SLC38A10: variants seen among roughly 807,000 people sequenced by gnomAD.
SLC38A10 encodes the protein Sodium-coupled neutral amino acid transporter 10.
SLC38A10 carries 53 observed loss-of-function variants against 81.0 expected under a neutral mutation model. The ratio of observed to expected loss-of-function variants is 0.65; its 90% CI spans 0.53 to 0.82. SLC38A10 has a LOEUF of 0.82. Among genes scored for constraint, SLC38A10 ranks in the 40% least tolerant of loss-of-function variants. The pLI, the probability that SLC38A10 is intolerant of heterozygous loss-of-function variation, is 0.00. For synonymous variants in SLC38A10, 665 were observed against 655.3 expected (o/e 1.01, Z -0.23); for missense variants, 1,471 against 1,545.0 (o/e 0.95, Z 0.80).
chr17:81,248,987 T>G (rs1386831523), intron 14 of SLC38A10, among the ~76,000 whole-genome samples: 1 of 152,188 alleles, frequency 6.6e-6, no homozygotes, highest in Non-Finnish European at 1.5e-5. Context: ...ACCAGCCACC[T>G]CGGCCGTGGG....
At chr17:81,275,844 C>T in intron 8 of SLC38A10, 125 bp downstream of exon 8, 1 of 1,160,140 alleles carries the variant, frequency 8.6e-7, no homozygotes, top group Non-Finnish European at 1.2e-6. Flanking sequence ...TTCCGCCCTC[C>T]CGGGACTCCT....
At chr17:81,282,070 A>C in intron 5 of SLC38A10, 119 bp downstream of exon 5, 10 of 1,404,746 alleles carry the variant, frequency 7.1e-6, no homozygotes, top group Non-Finnish European at 1.0e-5. Flanking sequence ...TACTTCCAAC[A>C]CATTCCCAGG....
Position 81,276,235 on chromosome 17 carries a change from G to GA in SLC38A10, c.730-85dup. 1 of 1,313,302 alleles carries GA rather than the reference G, an allele frequency of 7.6e-7. No homozygotes were observed. The highest frequency in any genetic ancestry group is 1.0e-6 in the Non-Finnish European group (1 of 970,766). 81.4% of individuals were successfully genotyped at this position (1,313,302 alleles called of 1,614,324 possible). On this transcript the variant is annotated intron_variant, in intron 7 of 15. Transcript: ENST00000374759. This position sits in a 1 kb window ranked among gnomAD's most constrained non-coding sequence, Gnocchi z 4.7. ...GTCACAGTGGGCAGGGCATGGGGGG[G>GA]ACCTGTGCCCTGCCCCCCAGAATGG...
At chr17:81,246,738 C>T in intron 15 of SLC38A10, 65 bp from the exon 16 acceptor site, 1 of 1,499,816 alleles carries the variant, frequency 6.7e-7, no homozygotes. Context: ...TGGAGGGGCT[C>T]AGAAGAACCA....
chr17:81,245,742 A>C lies in SLC38A10; in HGVS notation c.3174T>G (p.Pro1058=). 6.3e-7 allele frequency: 1 copy of C among 1,595,896 alleles called. No homozygotes were observed. Among genetic ancestry groups the C allele is most frequent in the Non-Finnish European group, 8.6e-7 (1 of 1,167,248 alleles). ...TCGGGGCCAGCTGACCCTCTGCATG[A>C]GGGCCAAGGTCCCGCCGTCGCCTCC... ...DLRRRRRDLG[P]HAEGQLAPRD... is the part of the protein sequence containing the mutation. Residue 1058 remains proline (P), a synonymous_variant, in exon 16 of 16, where the codon CCT becomes CCG. Transcript: ENST00000374759.
At position 81,267,464 on chromosome 17, in the gene SLC38A10, T is replaced by TTTCC. The variant is rs558420102; in HGVS notation, c.1131+3450_1131+3453dup. Among the ~76,000 whole-genome samples the TTTCC allele has an allele frequency of 7.9e-5, 12 of 152,180 alleles. 1 individual carries two copies. In the East Asian group the frequency reaches 1.9e-3, roughly 24 times the overall value. On this transcript the variant is annotated intron_variant, in intron 10 of 15. Coordinates refer to ENST00000374759, the MANE Select transcript of SLC38A10 (RefSeq NM_001037984.3). ...TGGAAATTCTAACTATGACTCTTTC[T>TTTCC]TTCCTTCCTTCCTTCCTCCCTCCCT...
In SLC38A10 at chr17:81,245,126, C is replaced by G. The variant is rs1253960568; in HGVS notation, c.*430G>C. 4.4e-5 allele frequency: 8 copies of G among 182,276 alleles called. No individual in the cohort carries two copies. The highest frequency in any genetic ancestry group is 1.9e-4 in the African/African-American group (8 of 42,634). The allele number at this position is 182,276 out of a possible 1,614,324, so 11.3% of individuals were successfully genotyped here. A position where few individuals can be genotyped will look rare whatever the true frequency, so the allele number is the denominator to read the frequency against. On this transcript the variant is annotated 3_prime_UTR_variant, in exon 16 of 16. Coordinates refer to ENST00000374759, the MANE Select transcript of SLC38A10 (RefSeq NM_001037984.3). The stretch of plus-strand genomic sequence containing the variant: ...GGTTGGATGCTGGCTCTCACAGTAG[C>G]CTGTGTTGGGACCATGAGCAGCCAT...
At position 81,294,873 on chromosome 17, in the gene SLC38A10, T is replaced by C. The variant is rs1293681488; in HGVS notation, c.49A>G (p.Asn17Asp). ...AGGACACTGACCCCTACGATGCTGTTCACGATGTTCGTGATCAGCCCCCAG... is the reference window on the plus strand; with the variant it reads ...AGGACACTGACCCCTACGATGCTGTCCACGATGTTCGTGATCAGCCCCCAG... The part of the protein sequence containing the change: ...SNWGLITNIV[N>D]SIVGVSVLTM... The change falls in exon 1 of 16, where the codon AAC becomes GAC. Residue 17 changes from asparagine to aspartate, a missense_variant. This residue lies in a region of SLC38A10 where 720 missense variants were observed against 827.7 expected (regional missense o/e 0.87). Coordinates refer to ENST00000374759, the MANE Select transcript of SLC38A10 (RefSeq NM_001037984.3). The C allele has an allele frequency of 1.9e-6, 3 of 1,597,980 alleles. No homozygotes were observed. The African/African-American group carries it at 4.1e-5, about 22-fold the overall frequency.
chr17:81,272,976 A>G (rs1381131430), intron 8 of SLC38A10, among the ~76,000 whole-genome samples: 5 of 152,186 alleles, frequency 3.3e-5, no homozygotes, highest in Non-Finnish European at 7.3e-5. Context: ...ATGGAGAGCA[A>G]AACACAGGCT....
chr17:81,252,513 G>T lies in SLC38A10; in HGVS notation c.1627C>A (p.Pro543Thr). ...GVQGQMAPPL[P>T]DSEREKQEPE... ...TCTTGTTTCTCTCTTTCTGAGTCGG[G>T]CAGAGGCGGCGCCATCTGGCCCTGG... is the stretch of plus-strand genomic sequence containing the variant. Residue 543 changes from proline (P) to threonine (T), a missense_variant, in exon 13 of 16, where the codon CCC (proline) becomes ACC (threonine). Physicochemically the swap from Pro to Thr is conservative, Grantham distance 38 (BLOSUM62 -1). This residue lies in a region of SLC38A10 where 720 missense variants were observed against 827.7 expected (regional missense o/e 0.87). Coordinates refer to ENST00000374759, the MANE Select transcript of SLC38A10 (RefSeq NM_001037984.3). 2 of 1,613,338 alleles carry T rather than the reference G, an allele frequency of 1.2e-6. No individual in the cohort carries two copies. The highest frequency in any genetic ancestry group is 1.7e-6 in the Non-Finnish European group (2 of 1,180,016).
chr17:81,271,196 C>G (rs2063112757), intron 9 of SLC38A10, among the ~76,000 whole-genome samples, 172 bp from the exon 10 acceptor site: 1 of 152,238 alleles, frequency 6.6e-6, no homozygotes, highest in Non-Finnish European at 1.5e-5. Context: ...ACAACCGCGG[C>G]TGATTCCTCC....
At chr17:81,293,265 G>A (rs2063324041) in intron 1 of SLC38A10, among the ~76,000 whole-genome samples, 1 of 152,258 alleles carries the variant, frequency 6.6e-6, no homozygotes, top group Admixed American at 6.5e-5. Flanking sequence ...AGTGGACACT[G>A]GGACATGGAG....
chr17:81,252,297 G>A lies in SLC38A10; in HGVS notation c.1843C>T (p.Gln615Ter), dbSNP rs988492508. 9.9e-6 allele frequency: 16 copies of A among 1,610,750 alleles called. No homozygotes were observed. The highest frequency in any genetic ancestry group is 1.4e-5 in the Non-Finnish European group (16 of 1,178,518). The change falls in exon 13 of 16, where the codon CAG (glutamine) becomes TAG (stop). Residue 615 changes from glutamine to a stop codon, truncating the protein, a stop_gained. Transcript: ENST00000374759. LOFTEE classifies it high-confidence loss of function. ...PRPQAVLSEQ[Q>*]NGLAVGGGEK... is the part of the protein sequence containing the mutation. ...CCTCCACCCACCGCCAGGCCGTTCT[G>A]CTGCTCAGACAGCACTGCCTGGGGC... is the stretch of plus-strand genomic sequence containing the variant.
At position 81,289,832 on chromosome 17, in the gene SLC38A10, A is replaced by G. The variant is rs778540843; in HGVS notation, c.100-24T>C. On this transcript the variant is annotated intron_variant, in intron 1 of 15. Transcript: ENST00000374759. The surrounding 1 kb of genome is among the most constrained non-coding windows in gnomAD (Gnocchi z 5.9). ...CACTGCAGGGTGGAGACAGGAACAC[A>G]TGTTCACAGCAGCAGGTGCTCCCCA... The G allele has an allele frequency of 2.3e-5, 35 of 1,555,124 alleles. No homozygotes were observed. The highest frequency in any genetic ancestry group is 9.8e-5 in the Admixed American group (5 of 50,952).
At position 81,277,098 on chromosome 17, in the gene SLC38A10, G is replaced by A. The variant is rs890985297; in HGVS notation, c.662C>T (p.Pro221Leu). 5.6e-6 allele frequency: 9 copies of A among 1,613,876 alleles called. No homozygotes were observed. The highest frequency in any genetic ancestry group is 1.3e-5 in the African/African-American group (1 of 74,922). The change falls in exon 7 of 16, where the codon CCG becomes CTG. Residue 221 changes from proline to leucine, a missense_variant. Pro to Leu is a moderately conservative substitution (Grantham distance 98). Around this residue, in one of 2 missense-constraint regions of SLC38A10, gnomAD observed 720 missense variants for 827.7 expected, o/e 0.87. Transcript: ENST00000374759. The surrounding 1 kb of genome is among the most constrained non-coding windows in gnomAD (Gnocchi z 4.5). ...VLPTYDSLDE[P>L]SVKTMSSIFA... ...TATGGAGCTCATGGTTTTCACTGACGGCTCATCCAGGCTGTCGTAGGTGGG... is the reference window on the plus strand; with the variant it reads ...TATGGAGCTCATGGTTTTCACTGACAGCTCATCCAGGCTGTCGTAGGTGGG...
Position 81,246,879 on chromosome 17 carries a change from G to C in SLC38A10, c.2242+6C>G. On this transcript the variant is annotated splice_donor_region_variant and intron_variant, in intron 15 of 15. Transcript: ENST00000374759. Reference sequence around the variant, plus strand: ...CCACCCCACTCCATCCGCCAGCCCGGCCTACCCTGCCTGGGTTTATCCTCC... The same window carrying C: ...CCACCCCACTCCATCCGCCAGCCCGCCCTACCCTGCCTGGGTTTATCCTCC... 6.3e-7 allele frequency: 1 copy of C among 1,583,290 alleles called. No homozygotes were observed. The highest frequency in any genetic ancestry group is 8.6e-7 in the Non-Finnish European group (1 of 1,161,896).
At position 81,275,918 on chromosome 17, in the gene SLC38A10, G is replaced by A. The variant is rs112330238; in HGVS notation, c.912+51C>T. 2,988 of 1,532,752 alleles carry A rather than the reference G, an allele frequency of 1.9e-3. 62 individuals are homozygous for A. In the African/African-American group the frequency reaches 0.036, roughly 18 times the overall value. 94.9% of individuals were successfully genotyped at this position (1,532,752 alleles called of 1,614,324 possible). ...CGGGACAGCTGGGGGCTTATGGGAA[G>A]CGAGCCTGACCTGTGCTATTACGAT... On this transcript the variant is annotated intron_variant, in intron 8 of 15. Coordinates refer to ENST00000374759, the MANE Select transcript of SLC38A10 (RefSeq NM_001037984.3).
chr17:81,292,151 A>G (rs925859322), intron 1 of SLC38A10, among the ~76,000 whole-genome samples: 1 of 152,088 alleles, frequency 6.6e-6, no homozygotes, highest in Non-Finnish European at 1.5e-5. Context: ...TGTTTGAGAC[A>G]GAGTCTCACT....
intron 10 of SLC38A10, chr17:81,264,746 C>G (rs1037120151): frequency 6.6e-6 from 1 of 152,232 alleles, no homozygotes. Flanking sequence ...AGCTGGCATC[C>G]AGGCACCACC....
Sources: gnomAD v4.1 joint callset for allele counts (sites outside exome capture counted in the v4.1 genomes callset) on GRCh38, gnomAD v4.1.1 for gene constraint, gnomAD v4.1.1 regional missense constraint, Gnocchi (gnomAD v3.1) non-coding constraint, MANE v1.5 for transcripts, NCBI Gene and HGNC (gene_info 2026-07-23, HGNC 2026-07-21) for gene names.